RAPGEF4: variants seen among roughly 807,000 people sequenced by gnomAD.
RAPGEF4 encodes RAP guanine-nucleotide-exchange factor (GEF) 4.
Under a neutral mutation model 147.9 loss-of-function variants are expected in RAPGEF4, and 66 were observed. That is an observed-to-expected ratio of 0.45 (90% CI 0.37 to 0.55). RAPGEF4 has a LOEUF of 0.55. RAPGEF4 is among the 20% of genes least tolerant of loss of function. The pLI is 0.00. For synonymous variants in RAPGEF4, 419 were observed against 442.7 expected (o/e 0.95, Z 0.67); for missense variants, 1,071 against 1,257.3 (o/e 0.85, Z 2.24).
intron 18 of RAPGEF4, among the ~76,000 whole-genome samples, chr2:173,015,441 A>T (rs998962650): frequency 3.9e-5 from 6 of 152,194 alleles, no homozygotes; most frequent in African/African-American, 1.2e-4. Flanking sequence ...TAAAATTATA[A>T]ATTATCCAAA....
intron 4 of RAPGEF4, among the ~76,000 whole-genome samples, chr2:172,880,005 T>G (rs2194723): frequency 6.6e-6 from 1 of 152,122 alleles, no homozygotes; most frequent in Non-Finnish European, 1.5e-5. Context: ...GGCTTTTTTC[T>G]GTACACTTTT....
intron 4 of RAPGEF4, among the ~76,000 whole-genome samples, chr2:172,892,092 A>G (rs1317616970): frequency 5.9e-5 from 9 of 152,056 alleles, no homozygotes; most frequent in Non-Finnish European, 2.9e-5. Context: ...TGCCCTGTGA[A>G]TGGTGGGGTG....
chr2:172,937,670 G>A (rs977576082), intron 6 of RAPGEF4, among the ~76,000 whole-genome samples: 17 of 152,120 alleles, frequency 1.1e-4, no homozygotes, highest in Non-Finnish European at 8.8e-5. Flanking sequence ...GGAAGTCATC[G>A]TGCACACAGC....
chr2:172,889,454 G>A (rs1399664019), intron 4 of RAPGEF4, among the ~76,000 whole-genome samples: 2 of 152,214 alleles, frequency 1.3e-5, no homozygotes, highest in Non-Finnish European at 2.9e-5. Context: ...AACATGGGCA[G>A]CATTTGCTAT....
intron 4 of RAPGEF4, among the ~76,000 whole-genome samples, chr2:172,820,016 G>A (rs1183763117): frequency 6.6e-6 from 1 of 152,112 alleles, no homozygotes; most frequent in Non-Finnish European, 1.5e-5. Flanking sequence ...AGTATAAGAG[G>A]GTTTCCAATG....
At chr2:173,016,779 C>T (rs1234935560) in intron 19 of RAPGEF4, among the ~76,000 whole-genome samples, 3 of 152,206 alleles carry the variant, frequency 2.0e-5, no homozygotes, top group Non-Finnish European at 4.4e-5. Context: ...AGGGCAACTA[C>T]TTATATGGAA....
chr2:172,762,014 C>T (rs191360812), intron 1 of RAPGEF4, among the ~76,000 whole-genome samples: 51 of 152,116 alleles, frequency 3.4e-4, no homozygotes, highest in Admixed American at 2.4e-3. Flanking sequence ...CCAAGCTACT[C>T]GGGAGGCTGA....
rs184268284 is a variant in RAPGEF4 at position 172,874,247 on chromosome 2, G to A, written c.445-43555G>A. Among the ~76,000 whole-genome samples the A allele has an allele frequency of 6.6e-5, 10 of 151,810 alleles. No individual in the cohort carries two copies. In the East Asian group the frequency reaches 9.7e-4, roughly 15 times the overall value. On this transcript the variant is annotated intron_variant, in intron 4 of 30. Transcript: ENST00000397081. ...AATTCTATTATAAAGACACGTGCAC[G>A]TGTATTTTTTTTAAATTATACTTTA...
Position 172,911,427 on chromosome 2 carries a change from G to A in RAPGEF4, c.445-6375G>A, listed in dbSNP as rs144855417. Among the ~76,000 whole-genome samples the A allele has an allele frequency of 5.7e-3, 864 of 152,192 alleles. 3 individuals are homozygous for A. Among genetic ancestry groups the A allele is most frequent in the Non-Finnish European group, 8.4e-3 (573 of 67,998 alleles). On this transcript the variant is annotated intron_variant, in intron 4 of 30. Transcript: ENST00000397081. ...GGCATCAGGTCCAATTCTAGTTTCCGGGAGTTGTTTTCTGTGGCTCCTGGC... is the reference window on the plus strand; with the variant it reads ...GGCATCAGGTCCAATTCTAGTTTCCAGGAGTTGTTTTCTGTGGCTCCTGGC...
chr2:172,837,590 C>A (rs1382968056), intron 4 of RAPGEF4, among the ~76,000 whole-genome samples: 1 of 152,120 alleles, frequency 6.6e-6, no homozygotes, highest in East Asian at 1.9e-4. Flanking sequence ...GAAAGGTATT[C>A]TTTTTCTATT....
chr2:172,979,642 A>T (rs778989534), intron 10 of RAPGEF4, among the ~76,000 whole-genome samples: 1 of 152,224 alleles, frequency 6.6e-6, no homozygotes, highest in Non-Finnish European at 1.5e-5. Context: ...GTCTAGATTT[A>T]TGGATATTTA....
intron 5 of RAPGEF4, among the ~76,000 whole-genome samples, chr2:172,920,637 G>A (rs1684647781): frequency 6.6e-6 from 1 of 152,134 alleles, no homozygotes; most frequent in South Asian, 2.1e-4. Context: ...AAGTTCCTGT[G>A]TGGCCTCAAA....
chr2:172,934,218 C>G (rs1384648922), intron 6 of RAPGEF4, among the ~76,000 whole-genome samples: 1 of 130,330 alleles, frequency 7.7e-6, no homozygotes, highest in Admixed American at 9.6e-5. Flanking sequence ...GGCGCAATCT[C>G]GGCTCACTGC....
intron 4 of RAPGEF4, among the ~76,000 whole-genome samples, chr2:172,829,397 C>T (rs983878104): frequency 6.6e-6 from 1 of 152,172 alleles, no homozygotes; most frequent in Non-Finnish European, 1.5e-5. Context: ...TGACCTCATG[C>T]AGAAGGAAGG....
intron 3 of RAPGEF4, among the ~76,000 whole-genome samples, chr2:172,803,745 T>G (rs1687202465): frequency 6.6e-6 from 1 of 152,212 alleles, no homozygotes; most frequent in Admixed American, 6.5e-5. Context: ...GCCTCCCTTA[T>G]AAAACTGAAT....
chr2:172,846,635 T>C (rs1421382129), intron 4 of RAPGEF4, among the ~76,000 whole-genome samples: 1 of 152,270 alleles, frequency 6.6e-6, no homozygotes, highest in East Asian at 1.9e-4. Flanking sequence ...TCAACAGATG[T>C]TTGTTGAATA....
chr2:172,755,970 A>G (rs1006690655), intron 1 of RAPGEF4, among the ~76,000 whole-genome samples: 17 of 152,200 alleles, frequency 1.1e-4, no homozygotes, highest in African/African-American at 4.1e-4. Context: ...CAAGATGCTG[A>G]ACTGCTCAAT....
chr2:173,051,674 G>A lies in RAPGEF4; in HGVS notation c.2943G>A (p.Gln981=). Residue 981 remains glutamine (Q), a synonymous_variant, in exon 31 of 31, where the codon CAG becomes CAA. Coordinates refer to ENST00000397081, the MANE Select transcript of RAPGEF4 (RefSeq NM_007023.4). Reference sequence around the variant, plus strand: ...CAGCTCAAGCTAATAAGAACCATCAGGATGTCCGGAGTTATGTACGGCAAT... The same window carrying A: ...CAGCTCAAGCTAATAAGAACCATCAAGATGTCCGGAGTTATGTACGGCAAT... ...PDAAQANKNH[Q]DVRSYVRQLN... is the part of the protein sequence containing the mutation. 6.8e-6 allele frequency: 11 copies of A among 1,613,932 alleles called. No homozygotes were observed. The highest frequency in any genetic ancestry group is 9.3e-6 in the Non-Finnish European group (11 of 1,179,898).
intron 6 of RAPGEF4, among the ~76,000 whole-genome samples, chr2:172,942,331 C>G (rs1687243160): frequency 6.6e-6 from 1 of 151,472 alleles, no homozygotes; most frequent in African/African-American, 2.4e-5. Flanking sequence ...ATTGTCTTAG[C>G]TCAAATTCAG....
Sources: gnomAD v4.1 joint callset for allele counts (sites outside exome capture counted in the v4.1 genomes callset) on GRCh38, gnomAD v4.1.1 for gene constraint, MANE v1.5 for transcripts, NCBI Gene and HGNC (gene_info 2026-07-23, HGNC 2026-07-21) for gene names.